Variants in SLC24A3 observed in about 807,000 individuals in gnomAD.
The protein encoded by SLC24A3 is solute carrier family 24 member 3.
SLC24A3 carries 28 observed loss-of-function variants against 75.8 expected under a neutral mutation model. The ratio of observed to expected loss-of-function variants is 0.37; its 90% CI spans 0.27 to 0.51. SLC24A3 has a LOEUF of 0.51. SLC24A3 is among the 20% of genes least tolerant of loss of function. SLC24A3 has a pLI of 0.94. For missense variants in SLC24A3, 663 were observed against 847.8 expected (o/e 0.78, Z 2.71); for synonymous variants, 372 against 334.1 (o/e 1.11, Z -1.24).
At chr20:19,525,713 G>T (rs1056305041) in intron 3 of SLC24A3, among the ~76,000 whole-genome samples, 2 of 152,096 alleles carry the variant, frequency 1.3e-5, no homozygotes, top group Admixed American at 6.5e-5. Context: ...ACGAGGACGG[G>T]CACCAACGGT....
chr20:19,408,634 C>T (rs898108187), intron 2 of SLC24A3, among the ~76,000 whole-genome samples: 14 of 152,244 alleles, frequency 9.2e-5, no homozygotes, highest in African/African-American at 3.4e-4. Context: ...AAGTGATCCA[C>T]CCACCTCAGC....
At chr20:19,231,565 T>C (rs1349743261) in intron 1 of SLC24A3, among the ~76,000 whole-genome samples, 1 of 151,968 alleles carries the variant, frequency 6.6e-6, no homozygotes, top group East Asian at 1.9e-4. Flanking sequence ...GAATGGGGGG[T>C]GCCTCCAGGA....
chr20:19,629,265 A>G (rs1044118484), intron 6 of SLC24A3, among the ~76,000 whole-genome samples: 23 of 152,310 alleles, frequency 1.5e-4, no homozygotes, highest in African/African-American at 5.0e-4. Context: ...ACTGAATTGA[A>G]AAATTCACCA....
intron 2 of SLC24A3, among the ~76,000 whole-genome samples, chr20:19,422,364 G>T (rs182613315): frequency 3.5e-4 from 54 of 152,114 alleles, no homozygotes; most frequent in African/African-American, 1.3e-3. Flanking sequence ...TGTCAAGCAG[G>T]TAGTGACACA....
intron 1 of SLC24A3, among the ~76,000 whole-genome samples, chr20:19,246,347 A>T (rs1982482745): frequency 6.6e-6 from 1 of 152,198 alleles, no homozygotes; most frequent in Non-Finnish European, 1.5e-5. Context: ...AACAGCTATT[A>T]TCAGTGGAAT....
chr20:19,468,023 A>G (rs955400186), intron 2 of SLC24A3, among the ~76,000 whole-genome samples: 1 of 152,184 alleles, frequency 6.6e-6, no homozygotes, highest in Non-Finnish European at 1.5e-5. Flanking sequence ...ACCAGGGAAC[A>G]TGAGGTTGGA....
chr20:19,519,803 TC>T (rs1383720714), intron 3 of SLC24A3, among the ~76,000 whole-genome samples: 1 of 152,198 alleles, frequency 6.6e-6, no homozygotes, highest in Non-Finnish European at 1.5e-5. Context: ...TTGCTCATTA[TC>T]CCCATGACAC....
At chr20:19,287,177 G>A (rs755782809) in intron 2 of SLC24A3, among the ~76,000 whole-genome samples, 39 of 152,222 alleles carry the variant, frequency 2.6e-4, no homozygotes, top group Admixed American at 5.2e-4. Flanking sequence ...AGTTGCACCT[G>A]TTGCAAGAAG....
intron 2 of SLC24A3, among the ~76,000 whole-genome samples, chr20:19,287,304 G>A (rs1983838572): frequency 6.6e-6 from 1 of 152,194 alleles, no homozygotes; most frequent in Admixed American, 6.6e-5. Context: ...TGGGGTAGCA[G>A]GGTTTTATGG....
In SLC24A3 at chr20:19,363,003, G is replaced by T. The variant is rs570370745; in HGVS notation, c.271+81916G>T. Among the ~76,000 whole-genome samples the T allele has an allele frequency of 7.2e-5, 11 of 152,372 alleles. No homozygotes were observed. The South Asian group carries it at 2.3e-3, about 32-fold the overall frequency. On this transcript the variant is annotated intron_variant, in intron 2 of 16. Coordinates refer to ENST00000328041, the MANE Select transcript of SLC24A3 (RefSeq NM_020689.4). Reference sequence around the variant, plus strand: ...GGGCTTCCCATGTGTCGCTGGGAAAGCTTGACTTAGGGCTACAACTGCCAA... The same window carrying T: ...GGGCTTCCCATGTGTCGCTGGGAAATCTTGACTTAGGGCTACAACTGCCAA...
chr20:19,296,836 A>G (rs1176424898), intron 2 of SLC24A3, among the ~76,000 whole-genome samples: 5 of 152,332 alleles, frequency 3.3e-5, no homozygotes, highest in Middle Eastern at 3.4e-3. Flanking sequence ...AATCAATCAC[A>G]TAATTAGAAG....
At chr20:19,313,028 CTTTTTTTTTTT>C (rs747623530) in intron 2 of SLC24A3, among the ~76,000 whole-genome samples, 2 of 68,274 alleles carry the variant, frequency 2.9e-5, no homozygotes, top group South Asian at 6.6e-4. Context: ...TTTTCTCTTG[CTTTTTTTTTTT>C]TTTTTTTTTT....
intron 3 of SLC24A3, among the ~76,000 whole-genome samples, chr20:19,527,979 A>T (rs1156841845): frequency 1.3e-5 from 2 of 152,164 alleles, no homozygotes; most frequent in African/African-American, 4.8e-5. Flanking sequence ...TTCTAACCCC[A>T]TTCAGCCTGA....
intron 2 of SLC24A3, among the ~76,000 whole-genome samples, chr20:19,370,617 G>C (rs1460921280): frequency 6.6e-6 from 1 of 152,238 alleles, no homozygotes; most frequent in East Asian, 1.9e-4. Context: ...TGTATTTCTT[G>C]CTTTTTAAAT....
chr20:19,510,017 C>T (rs568480126), intron 2 of SLC24A3, among the ~76,000 whole-genome samples: 4 of 152,172 alleles, frequency 2.6e-5, no homozygotes, highest in Non-Finnish European at 5.9e-5. Context: ...AGCAAGGCAA[C>T]GAGTGAAATA....
chr20:19,449,016 C>A (rs1397068529), intron 2 of SLC24A3, among the ~76,000 whole-genome samples: 2 of 152,154 alleles, frequency 1.3e-5, no homozygotes, highest in East Asian at 3.9e-4. Context: ...TAGGGACCTG[C>A]CTGTTTTGTT....
intron 6 of SLC24A3, among the ~76,000 whole-genome samples, chr20:19,648,496 G>A (rs977259117): frequency 1.3e-5 from 2 of 150,826 alleles, no homozygotes; most frequent in African/African-American, 2.4e-5. Flanking sequence ...GAATATTTGT[G>A]CCTTTTTAAA....
chr20:19,278,016 C>T (rs1395426892), intron 1 of SLC24A3, among the ~76,000 whole-genome samples: 7 of 151,962 alleles, frequency 4.6e-5, no homozygotes, highest in South Asian at 4.1e-4. Context: ...GGGCAGATGC[C>T]GTGGTGCTCG....
chr20:19,312,266 G>A (rs1174856887), intron 2 of SLC24A3, among the ~76,000 whole-genome samples: 2 of 152,160 alleles, frequency 1.3e-5, no homozygotes, highest in Non-Finnish European at 2.9e-5. Context: ...AAGTATAGGT[G>A]TGCCAGACTT....
Sources: gnomAD v4.1 joint callset for allele counts (sites outside exome capture counted in the v4.1 genomes callset) on GRCh38, gnomAD v4.1.1 for gene constraint, MANE v1.5 for transcripts, NCBI Gene and HGNC (gene_info 2026-07-23, HGNC 2026-07-21) for gene names.